Variants in ABCC4 observed in about 807,000 individuals in gnomAD.
ABCC4 encodes ATP binding cassette subfamily C member 4 (PEL blood group).
ABCC4 carries 102 observed loss-of-function variants against 168.5 expected under a neutral mutation model. The observed-to-expected ratio is 0.61, with a 90% CI of 0.52 to 0.71. The LOEUF is 0.71. Ranked by LOEUF, ABCC4 falls within the 30% of genes least tolerant of loss-of-function variation. ABCC4 has a pLI of 0.00. For synonymous variants in ABCC4, 617 were observed against 590.7 expected (o/e 1.04, Z -0.65); for missense variants, 1,402 against 1,605.8 (o/e 0.87, Z 2.17).
At chr13:95,058,567 C>CAAAAAAAAAAAAAAAAAAAAAAAAA (rs1165324016) in intron 26 of ABCC4, among the ~76,000 whole-genome samples, 1 of 62,792 alleles carries the variant, frequency 1.6e-5, no homozygotes, top group Non-Finnish European at 2.9e-5. Context: ...GACTCCATCT[C>CAAAAAAAAAAAAAAAAAAAAAAAAA]AAAAAAAAAA....
intron 13 of ABCC4, among the ~76,000 whole-genome samples, chr13:95,174,677 G>A (rs764221209): frequency 5.9e-5 from 9 of 152,120 alleles, no homozygotes; most frequent in Non-Finnish European, 8.8e-5. Flanking sequence ...CCTTCCCCGC[G>A]GCGACTCTAA....
rs1375851835 is a variant in ABCC4 at position 95,225,149 on chromosome 13, TCTCTCACACACACA to T, written c.531+9447_531+9460del. ...GTCTGTCTGTCTGTCTGTCTCTCTC[TCTCTCACACACACA>T]CACACACACACACACACACACACAC... On this transcript the variant is annotated intron_variant, in intron 4 of 30. Transcript: ENST00000645237. Among the ~76,000 whole-genome samples, 252 of 100,194 alleles carry T rather than the reference TCTCTCACACACACA, an allele frequency of 2.5e-3. 1 individual carries two copies. Among genetic ancestry groups the T allele is most frequent in the Middle Eastern group, 9.9e-3 (2 of 202 alleles). 65.7% of individuals were successfully genotyped at this position (100,194 alleles called of 152,430 possible).
intron 19 of ABCC4, among the ~76,000 whole-genome samples, chr13:95,119,789 T>A (rs954889140): frequency 6.6e-6 from 1 of 152,216 alleles, no homozygotes; most frequent in Non-Finnish European, 1.5e-5. Context: ...TTTGCATTGA[T>A]ACATATTTTA....
intron 19 of ABCC4, among the ~76,000 whole-genome samples, chr13:95,126,291 A>T (rs2035758442): frequency 1.3e-5 from 2 of 152,186 alleles, no homozygotes; most frequent in Admixed American, 1.3e-4. Flanking sequence ...GCGGTCTACA[A>T]GAATGTGTTC....
chr13:95,147,462 G>A (rs942067923), intron 19 of ABCC4, among the ~76,000 whole-genome samples: 1 of 152,142 alleles, frequency 6.6e-6, no homozygotes, highest in Non-Finnish European at 1.5e-5. Flanking sequence ...CCATCTGATA[G>A]AAATGTAGAA....
At chr13:95,275,808 C>CA (rs890412118) in intron 1 of ABCC4, among the ~76,000 whole-genome samples, 2 of 151,152 alleles carry the variant, frequency 1.3e-5, no homozygotes, top group African/African-American at 4.9e-5. Context: ...AACACTGATT[C>CA]AAAATATAAT....
At chr13:95,278,069 G>A (rs755002838) in intron 1 of ABCC4, among the ~76,000 whole-genome samples, 3 of 152,146 alleles carry the variant, frequency 2.0e-5, no homozygotes, top group Non-Finnish European at 2.9e-5. Context: ...ACCCAGGGAC[G>A]GAGGAGAGAA....
At chr13:95,135,856 T>C (rs1055569723) in intron 19 of ABCC4, among the ~76,000 whole-genome samples, 2 of 152,216 alleles carry the variant, frequency 1.3e-5, no homozygotes, top group African/African-American at 4.8e-5. Flanking sequence ...TGTATGTAAT[T>C]GTAGGAGATA....
At position 95,296,736 on chromosome 13, in the gene ABCC4, G is replaced by A. The variant is rs577271630; in HGVS notation, c.74+4505C>T. Reference sequence around the variant, plus strand: ...GGCAGAGGAATGCAAAGTGCCTGCCGGGCACCAGGGGGCAGCAGGACAATT... The same window carrying A: ...GGCAGAGGAATGCAAAGTGCCTGCCAGGCACCAGGGGGCAGCAGGACAATT... On this transcript the variant is annotated intron_variant, in intron 1 of 30. Coordinates refer to ENST00000645237, the MANE Select transcript of ABCC4 (RefSeq NM_005845.5). 9.2e-5 allele frequency among the ~76,000 whole-genome samples: 14 copies of A among 152,244 alleles called. No individual in the cohort carries two copies. The East Asian group carries it at 2.1e-3, about 23-fold the overall frequency.
chr13:95,021,353 T>C lies in ABCC4; in HGVS notation c.*222A>G, dbSNP rs117251267. 5,923 of 467,098 alleles carry C rather than the reference T, an allele frequency of 0.013. 58 individuals are homozygous for C. Among genetic ancestry groups the C allele is most frequent in the Admixed American group, 0.018 (459 of 26,020 alleles). 28.9% of individuals were successfully genotyped at this position (467,098 alleles called of 1,614,324 possible). On this transcript the variant is annotated 3_prime_UTR_variant, in exon 31 of 31. Transcript: ENST00000645237. ...CGGCATTTAACTGGTGGCCTGCACC[T>C]CTGATTTGGATTTTAAAAAACAACT... is the stretch of plus-strand genomic sequence containing the variant.
chr13:95,293,851 G>T (rs2041462553), intron 1 of ABCC4, among the ~76,000 whole-genome samples: 1 of 151,260 alleles, frequency 6.6e-6, no homozygotes. Flanking sequence ...TGCAATCTTG[G>T]CTCACTGCAG....
At chr13:95,081,120 G>T (rs1171339905) in intron 21 of ABCC4, among the ~76,000 whole-genome samples, 1 of 152,162 alleles carries the variant, frequency 6.6e-6, no homozygotes, top group African/African-American at 2.4e-5. Flanking sequence ...GCCAATCAGG[G>T]TACAGGAACA....
chr13:95,183,969 C>A (rs2037979717), intron 11 of ABCC4, among the ~76,000 whole-genome samples: 1 of 53,190 alleles, frequency 1.9e-5, no homozygotes, highest in Non-Finnish European at 3.7e-5. Flanking sequence ...GACTCCTGCT[C>A]TGTTCGACTT....
At chr13:95,170,653 G>A (rs759663504) in intron 13 of ABCC4, 25 bp from the exon 14 acceptor site, 11 of 1,447,280 alleles carry the variant, frequency 7.6e-6, no homozygotes, top group African/African-American at 1.4e-5. Context: ...GGCACAGGGT[G>A]AAAAAATGCA....
At position 95,289,476 on chromosome 13, in the gene ABCC4, A is replaced by C. The variant is rs955329136; in HGVS notation, c.74+11765T>G. Among the ~76,000 whole-genome samples the C allele has an allele frequency of 3.9e-5, 6 of 152,270 alleles. No homozygotes were observed. The South Asian group carries it at 1.0e-3, about 26-fold the overall frequency. On this transcript the variant is annotated intron_variant, in intron 1 of 30. Coordinates refer to ENST00000645237, the MANE Select transcript of ABCC4 (RefSeq NM_005845.5). ...GACTCTCTCAGTTTCCTTCACCTGT[A>C]TGTAACACAAGAGCAGAGCCACCCT...
intron 4 of ABCC4, among the ~76,000 whole-genome samples, chr13:95,216,862 C>G (rs1314692341): frequency 6.6e-6 from 1 of 152,042 alleles, no homozygotes; most frequent in African/African-American, 2.4e-5. Context: ...ATAGCAAAAG[C>G]CTTGAAATTT....
intron 1 of ABCC4, among the ~76,000 whole-genome samples, chr13:95,275,061 A>T (rs1361079669): frequency 6.6e-6 from 1 of 152,228 alleles, no homozygotes; most frequent in Non-Finnish European, 1.5e-5. Context: ...TGGGCAACAG[A>T]GCAAGACTCC....
intron 4 of ABCC4, among the ~76,000 whole-genome samples, chr13:95,222,700 C>G (rs2039341730): frequency 6.6e-6 from 1 of 152,184 alleles, no homozygotes; most frequent in Non-Finnish European, 1.5e-5. Flanking sequence ...AAACCTCATT[C>G]ATATATCATT....
intron 11 of ABCC4, among the ~76,000 whole-genome samples, chr13:95,178,710 G>A (rs961857988): frequency 6.6e-6 from 1 of 152,178 alleles, no homozygotes; most frequent in Non-Finnish European, 1.5e-5. Context: ...ACAGGATGAT[G>A]GCAGGGGAGG....
Sources: allele counts gnomAD v4.1 joint callset (sites outside exome capture counted in the v4.1 genomes callset), GRCh38; gene constraint gnomAD v4.1.1; transcripts MANE v1.5; gene names NCBI Gene and HGNC (gene_info 2026-07-23, HGNC 2026-07-21).